The following SLC1A2 variants were observed in gnomAD, a reference collection of about 807,000 sequenced individuals.
SLC1A2 encodes excitatory amino acid transporter 2.
A neutral mutation model predicts 48.8 loss-of-function variants in SLC1A2; 15 were observed. That is an observed-to-expected ratio of 0.31 (90% CI 0.21 to 0.47). The LOEUF (loss-of-function observed/expected upper bound fraction) is 0.47. SLC1A2 is among the 20% of genes least tolerant of loss of function. The pLI, the probability that SLC1A2 is intolerant of heterozygous loss-of-function variation, is 0.99. For synonymous variants in SLC1A2, 279 were observed against 272.6 expected, an observed-to-expected ratio of 1.02 and a Z score of -0.23; for missense variants, 502 against 730.5, an observed-to-expected ratio of 0.69 and a Z score of 3.61.
intron 1 of SLC1A2, among the ~76,000 whole-genome samples, chr11:35,319,901 T>C (rs1193932126): frequency 6.6e-6 from 1 of 152,238 alleles, no homozygotes; most frequent in Non-Finnish European, 1.5e-5. Flanking sequence ...GGAAGACTTG[T>C]AAGAGTTCTT....
At chr11:35,343,703 C>T (rs1852925454) in intron 1 of SLC1A2, among the ~76,000 whole-genome samples, 1 of 152,012 alleles carries the variant, frequency 6.6e-6, no homozygotes, top group Non-Finnish European at 1.5e-5. Flanking sequence ...GTAGTATTAG[C>T]ATCCCCATTT....
intron 1 of SLC1A2, among the ~76,000 whole-genome samples, chr11:35,416,235 C>G (rs1855600627): frequency 6.6e-6 from 1 of 152,168 alleles, no homozygotes; most frequent in African/African-American, 2.4e-5. Context: ...TCCTAAAAGG[C>G]AATTTGCAGG....
At chr11:35,268,848 G>A (rs1217712709) in intron 9 of SLC1A2, among the ~76,000 whole-genome samples, 6 of 152,076 alleles carry the variant, frequency 3.9e-5, no homozygotes, top group African/African-American at 1.4e-4. Context: ...CAGCAAATGT[G>A]AACACAGGCG....
chr11:35,417,588 G>A (rs1239625472), intron 1 of SLC1A2, among the ~76,000 whole-genome samples: 2 of 152,266 alleles, frequency 1.3e-5, no homozygotes, highest in Non-Finnish European at 2.9e-5. Flanking sequence ...TTTAGCACAA[G>A]GTACCACCCT....
chr11:35,347,246 G>A (rs2135063408), intron 1 of SLC1A2, among the ~76,000 whole-genome samples: 1 of 152,314 alleles, frequency 6.6e-6, no homozygotes, highest in Non-Finnish European at 1.5e-5. Flanking sequence ...GAAGTGCGAA[G>A]GAGCAATGGT....
intron 1 of SLC1A2, among the ~76,000 whole-genome samples, chr11:35,398,034 C>T (rs1429065539): frequency 6.6e-6 from 1 of 152,186 alleles, no homozygotes; most frequent in Non-Finnish European, 1.5e-5. Context: ...GCAGCACAGG[C>T]AGGGCTAAAA....
chr11:35,280,950 C>T lies in SLC1A2; in HGVS notation c.1338G>A (p.Gly446=). ...TCAGAATGAGGAGCATGGTGACCAG[C>T]CCGGCACTGGGGATACTGGCCGCGC... ...SVGAASIPSA[G]LVTMLLILTA... is the part of the protein sequence containing the mutation. Residue 446 remains glycine (G), a synonymous_variant, in exon 9 of 11, where the codon GGG becomes GGA. Coordinates refer to ENST00000278379, the MANE Select transcript of SLC1A2 (RefSeq NM_004171.4). The T allele has an allele frequency of 6.2e-7, 1 of 1,612,926 alleles. No individual in the cohort carries two copies. The highest frequency in any genetic ancestry group is 8.5e-7 in the Non-Finnish European group (1 of 1,179,672).
At chr11:35,286,560 A>G (rs796336994) in intron 8 of SLC1A2, 197 bp downstream of exon 8, 11 of 456,672 alleles carry the variant, frequency 2.4e-5, no homozygotes, top group African/African-American at 2.2e-4. Context: ...GTGCAATACA[A>G]ACAGGAGGTA....
intron 1 of SLC1A2, among the ~76,000 whole-genome samples, chr11:35,392,819 G>A (rs1923304): frequency 0.12 from 17,716 of 152,184 alleles, 1,315 homozygotes; most frequent in Admixed American, 0.17. Flanking sequence ...GATAAATGTG[G>A]CATGAATCTA....
At chr11:35,362,311 T>A (rs1445890944) in intron 1 of SLC1A2, among the ~76,000 whole-genome samples, 8 of 152,166 alleles carry the variant, frequency 5.3e-5, no homozygotes. Context: ...TCAATCCCAA[T>A]CTGAAATTTT....
At position 35,357,506 on chromosome 11, in the gene SLC1A2, A is replaced by G. The variant is rs76057077; in HGVS notation, c.18-39990T>C. Among the ~76,000 whole-genome samples the G allele has an allele frequency of 3.2e-3, 486 of 152,352 alleles. 4 individuals are homozygous for G. Among genetic ancestry groups the G allele is most frequent in the South Asian group, 0.012 (58 of 4,826 alleles). Reference sequence around the variant, plus strand: ...TAACTTCATTTTGGGAATATGGTGCATGGAACAATCTCTAAGTAAAATAAA... The same window carrying G: ...TAACTTCATTTTGGGAATATGGTGCGTGGAACAATCTCTAAGTAAAATAAA... On this transcript the variant is annotated intron_variant, in intron 1 of 10. Coordinates refer to ENST00000278379, the MANE Select transcript of SLC1A2 (RefSeq NM_004171.4).
intron 1 of SLC1A2, among the ~76,000 whole-genome samples, chr11:35,368,753 T>A (rs533813175): frequency 1.2e-4 from 19 of 152,342 alleles, no homozygotes; most frequent in Non-Finnish European, 1.8e-4. Flanking sequence ...ACATAAGCTA[T>A]CAGCTGGGGT....
At chr11:35,405,925 G>A (rs115116489) in intron 1 of SLC1A2, among the ~76,000 whole-genome samples, 1,595 of 152,290 alleles carry the variant, frequency 0.01, 22 homozygotes, top group African/African-American at 0.037. Context: ...TCCCACACCT[G>A]TTCCCTTCTG....
chr11:35,271,361 C>G (rs1019414181), intron 9 of SLC1A2, among the ~76,000 whole-genome samples: 1 of 152,078 alleles, frequency 6.6e-6, no homozygotes, highest in Non-Finnish European at 1.5e-5. Context: ...AGGATGCCAC[C>G]GAGGTGCTTA....
At chr11:35,311,298 T>C (rs1252066391) in intron 4 of SLC1A2, among the ~76,000 whole-genome samples, 2 of 152,192 alleles carry the variant, frequency 1.3e-5, no homozygotes, top group Non-Finnish European at 2.9e-5. Context: ...TAGCTGGGAT[T>C]ACAGGCATGC....
intron 1 of SLC1A2, among the ~76,000 whole-genome samples, chr11:35,370,143 T>C (rs1270405832): frequency 6.6e-6 from 1 of 152,200 alleles, no homozygotes; most frequent in East Asian, 1.9e-4. Flanking sequence ...AGGCAAGGGC[T>C]TTATACACAG....
At chr11:35,372,977 T>C (rs1157535588) in intron 1 of SLC1A2, among the ~76,000 whole-genome samples, 1 of 152,140 alleles carries the variant, frequency 6.6e-6, no homozygotes, top group Non-Finnish European at 1.5e-5. Flanking sequence ...TAGCACATGG[T>C]AGTTTGGGAT....
chr11:35,280,042 G>A (rs1850573632), intron 9 of SLC1A2, among the ~76,000 whole-genome samples: 1 of 152,194 alleles, frequency 6.6e-6, no homozygotes, highest in Non-Finnish European at 1.5e-5. Flanking sequence ...GACAAATGTA[G>A]ACACCTGTGC....
chr11:35,420,501 G>C (rs1481309653), upstream of SLC1A2: 1 of 152,256 alleles, frequency 6.6e-6, no homozygotes, highest in East Asian at 1.9e-4. Flanking sequence ...AGGGCCACAG[G>C]AGAATTAAAC....
Sources: gnomAD v4.1 joint callset for allele counts (sites outside exome capture counted in the v4.1 genomes callset) on GRCh38, gnomAD v4.1.1 for gene constraint, MANE v1.5 for transcripts, NCBI Gene and HGNC (gene_info 2026-07-23, HGNC 2026-07-21) for gene names.